BCAS3: variants seen among roughly 807,000 people sequenced by gnomAD.
The protein encoded by BCAS3 is BCAS4/BCAS3 fusion.
Under a neutral mutation model 116.1 loss-of-function variants are expected in BCAS3, and 53 were observed. That is an observed-to-expected ratio of 0.46 (90% CI 0.37 to 0.57). The LOEUF (loss-of-function observed/expected upper bound fraction) is 0.57, where lower values mean the gene tolerates loss of function less well. Ranked by LOEUF, BCAS3 falls within the 20% of genes least tolerant of loss-of-function variation. BCAS3 has a pLI of 0.00. For synonymous variants in BCAS3, 391 were observed against 408.2 expected (o/e 0.96, Z 0.51); for missense variants, 917 against 1,165.4 (o/e 0.79, Z 3.10).
At chr17:60,939,644 G>A (rs892339504) in intron 13 of BCAS3, among the ~76,000 whole-genome samples, 1 of 152,156 alleles carries the variant, frequency 6.6e-6, no homozygotes, top group African/African-American at 2.4e-5. Flanking sequence ...GCTGATGAGT[G>A]GTTGCTTGGG....
At chr17:60,755,600 A>T (rs1251759789) in intron 6 of BCAS3, among the ~76,000 whole-genome samples, 1 of 152,196 alleles carries the variant, frequency 6.6e-6, no homozygotes, top group Non-Finnish European at 1.5e-5. Context: ...GATGTGTTTT[A>T]AAAATTGGGA....
intron 7 of BCAS3, among the ~76,000 whole-genome samples, chr17:60,853,376 G>A (rs112947767): frequency 7.4e-4 from 112 of 152,082 alleles, no homozygotes; most frequent in Non-Finnish European, 1.2e-3. Flanking sequence ...TAAATTTAGT[G>A]GTGAACTGTA....
intron 23 of BCAS3, among the ~76,000 whole-genome samples, chr17:61,375,246 G>GTGTGCGCGCGCGCGCGCGCACA (rs1555861733): frequency 8.2e-4 from 124 of 150,782 alleles, no homozygotes; most frequent in African/African-American, 3.1e-3. Context: ...GTGTGTGTGT[G>GTGTGCGCGCGCGCGCGCGCACA]TGTGTGTGTA....
intron 22 of BCAS3, among the ~76,000 whole-genome samples, chr17:61,210,522 A>G (rs1371848760): frequency 2.6e-5 from 4 of 152,234 alleles, no homozygotes; most frequent in Non-Finnish European, 5.9e-5. Flanking sequence ...TTTCTTTCCC[A>G]GCTCATGCCT....
At position 60,988,360 on chromosome 17, in the gene BCAS3, T is replaced by TTTTTTTTTTTTTTTTTTTG. The variant is rs1555651709; in HGVS notation, c.1222-1611_1222-1610insTTTTTTTTTTTTTTTTTTG. Among the ~76,000 whole-genome samples, 26 of 134,854 alleles carry TTTTTTTTTTTTTTTTTTTG rather than the reference T, an allele frequency of 1.9e-4. 1 individual carries two copies. Among genetic ancestry groups the TTTTTTTTTTTTTTTTTTTG allele is most frequent in the African/African-American group, 7.9e-4 (25 of 31,542 alleles). 88.5% of individuals were successfully genotyped at this position (134,854 alleles called of 152,430 possible). The stretch of plus-strand genomic sequence containing the variant: ...TTTCTTTTTTTTTTTTTTTTTTTTT[T>TTTTTTTTTTTTTTTTTTTG]ATGTATGTGTTTGGTTTTGGTTTCA... On this transcript the variant is annotated intron_variant, in intron 14 of 23. Transcript: ENST00000407086.
At position 61,198,385 on chromosome 17, in the gene BCAS3, C is replaced by CAT. The variant is rs2080623200; in HGVS notation, c.2425+113821_2425+113822insAT. ...TCGATCTCCTGACCTCGTGATCCAC[C>CAT]CGCCTCGGACTCCCAAAGTGCTGGG... On this transcript the variant is annotated intron_variant, in intron 22 of 23. Coordinates refer to ENST00000407086, the MANE Select transcript of BCAS3 (RefSeq NM_017679.5). The surrounding 1 kb of genome is among the most constrained non-coding windows in gnomAD (Gnocchi z 5.0). Among the ~76,000 whole-genome samples the CAT allele has an allele frequency of 6.6e-6, 1 of 152,128 alleles. No individual in the cohort carries two copies. Among genetic ancestry groups the CAT allele is most frequent in the Non-Finnish European group, 1.5e-5 (1 of 68,042 alleles).
Position 60,910,681 on chromosome 17 carries a change from C to T in BCAS3, c.972C>T (p.Thr324=), listed in dbSNP as rs769865912. 3.0e-5 allele frequency: 48 copies of T among 1,607,792 alleles called. No individual in the cohort carries two copies. The East Asian group carries it at 3.6e-4, about 12-fold the overall frequency. The change falls in exon 12 of 24, where the codon ACC becomes ACT. Residue 324 remains threonine (T), a synonymous_variant. Transcript: ENST00000407086. ...CAGGCATCATCACAGTTATTGACAC[C>T]GAAACCGTTGGAGAGGGCCAGGTAA... ...LVPGIITVID[T]ETVGEGQVLV...
intron 15 of BCAS3, among the ~76,000 whole-genome samples, chr17:60,996,982 C>G (rs533150630): frequency 2.0e-5 from 3 of 151,948 alleles, no homozygotes; most frequent in Admixed American, 1.3e-4. Flanking sequence ...CACCAAGGAC[C>G]GGTTTTGTGG....
intron 2 of BCAS3, among the ~76,000 whole-genome samples, chr17:60,683,668 C>G (rs2033585102): frequency 6.6e-6 from 1 of 150,758 alleles, no homozygotes; most frequent in Non-Finnish European, 1.5e-5. Flanking sequence ...ACCGTCTCTA[C>G]AAAAAATACA....
intron 5 of BCAS3, among the ~76,000 whole-genome samples, chr17:60,736,432 C>T (rs1228494485): frequency 6.6e-6 from 1 of 151,548 alleles, no homozygotes; most frequent in African/African-American, 2.4e-5. Context: ...GTGATCCACC[C>T]ACGTCAGCCT....
At position 61,335,019 on chromosome 17, in the gene BCAS3, GC is replaced by G. The variant is rs542597209; in HGVS notation, c.2426-33306del. Among the ~76,000 whole-genome samples, 109 of 152,300 alleles carry G rather than the reference GC, an allele frequency of 7.2e-4. 1 individual carries two copies. Among genetic ancestry groups the G allele is most frequent in the African/African-American group, 2.5e-3 (105 of 41,562 alleles). On this transcript the variant is annotated intron_variant, in intron 22 of 23. Coordinates refer to ENST00000407086, the MANE Select transcript of BCAS3 (RefSeq NM_017679.5). ...CTGAGCACAGGACCTCAGTTACCTG[GC>G]CACTGTGGTCATCCCAGGGGCACCC...
chr17:60,998,640 A>C (rs2064006451), intron 15 of BCAS3, among the ~76,000 whole-genome samples: 1 of 152,156 alleles, frequency 6.6e-6, no homozygotes, highest in Non-Finnish European at 1.5e-5. Context: ...TCTTTTGAGA[A>C]GTGTCTGTTC....
intron 6 of BCAS3, among the ~76,000 whole-genome samples, chr17:60,772,860 G>A (rs1045696863): frequency 3.3e-5 from 5 of 152,094 alleles, no homozygotes; most frequent in South Asian, 4.1e-4. Flanking sequence ...GCAACAGAGT[G>A]AGACTCAGTC....
chr17:61,079,942 A>C (rs989077562), intron 21 of BCAS3, among the ~76,000 whole-genome samples: 2 of 120,264 alleles, frequency 1.7e-5, no homozygotes, highest in African/African-American at 6.6e-5. Flanking sequence ...CCTGGGCTGG[A>C]GTGCTGTGGT....
At chr17:61,070,158 T>G (rs977866260) in intron 19 of BCAS3, 39 of 1,562,004 alleles carry the variant, frequency 2.5e-5, no homozygotes, top group Non-Finnish European at 3.3e-5. Context: ...ACAACACACT[T>G]GTGTTCCTTG....
chr17:61,315,642 G>C lies in BCAS3; in HGVS notation c.2426-52685G>C, dbSNP rs1419262441. Reference sequence around the variant, plus strand: ...TGTCCCCAAGGACTCTACAGCCTCAGCCTCACCCATCGATGCTTCCCCATG... The same window carrying C: ...TGTCCCCAAGGACTCTACAGCCTCACCCTCACCCATCGATGCTTCCCCATG... On this transcript the variant is annotated intron_variant, in intron 22 of 23. Coordinates refer to ENST00000407086, the MANE Select transcript of BCAS3 (RefSeq NM_017679.5). The surrounding 1 kb of genome is among the most constrained non-coding windows in gnomAD (Gnocchi z 5.3). Among the ~76,000 whole-genome samples the C allele has an allele frequency of 6.6e-6, 1 of 152,154 alleles. No homozygotes were observed. The highest frequency in any genetic ancestry group is 1.5e-5 in the Non-Finnish European group (1 of 68,028).
chr17:60,788,231 G>T (rs1468213362), intron 6 of BCAS3, among the ~76,000 whole-genome samples: 1 of 152,032 alleles, frequency 6.6e-6, no homozygotes, highest in Non-Finnish European at 1.5e-5. Context: ...AGTGAGTAAG[G>T]GTAACAGAAA....
At position 61,339,745 on chromosome 17, in the gene BCAS3, G is replaced by A. The variant is rs546982150; in HGVS notation, c.2426-28582G>A. 4.0e-5 allele frequency among the ~76,000 whole-genome samples: 6 copies of A among 149,826 alleles called. No individual in the cohort carries two copies. Among genetic ancestry groups the A allele is most frequent in the South Asian group, 2.1e-4 (1 of 4,720 alleles). On this transcript the variant is annotated intron_variant, in intron 22 of 23. Transcript: ENST00000407086. This position sits in a 1 kb window ranked among gnomAD's most constrained non-coding sequence, Gnocchi z 4.4. ...CGCGCCACTGTACTCCAGTCGGGGC[G>A]ACAAAGCGAGACCCCATCTAAAAAA...
At chr17:61,119,542 T>C (rs2075673868) in intron 22 of BCAS3, among the ~76,000 whole-genome samples, 1 of 152,092 alleles carries the variant, frequency 6.6e-6, no homozygotes, top group East Asian at 1.9e-4. Context: ...AAATAATAAA[T>C]AATAGCTATC....
Sources: gnomAD v4.1 joint callset for allele counts (sites outside exome capture counted in the v4.1 genomes callset) on GRCh38, gnomAD v4.1.1 for gene constraint, Gnocchi (gnomAD v3.1) non-coding constraint, MANE v1.5 for transcripts, NCBI Gene and HGNC (gene_info 2026-07-23, HGNC 2026-07-21) for gene names.